The following FAM193A variants were observed in gnomAD, a reference collection of about 807,000 sequenced individuals.
FAM193A encodes the protein protein FAM193A.
A neutral mutation model predicts 126.5 loss-of-function variants in FAM193A; 22 were observed. That is an observed-to-expected ratio of 0.17 (90% CI 0.12 to 0.25). The LOEUF is 0.25. FAM193A is among the 10% of genes least tolerant of loss of function. FAM193A has a pLI of 1.00. For missense variants in FAM193A, 1,675 were observed against 1,672.8 expected, an observed-to-expected ratio of 1.00 and a Z score of -0.02; for synonymous variants, 761 against 646.8, an observed-to-expected ratio of 1.18 and a Z score of -2.68.
At position 2,659,637 on chromosome 4, in the gene FAM193A, T is replaced by C; in HGVS notation, c.1469T>C (p.Met490Thr). 6.2e-7 allele frequency: 1 copy of C among 1,614,178 alleles called. No homozygotes were observed. Among genetic ancestry groups the C allele is most frequent in the South Asian group, 1.1e-5 (1 of 91,078 alleles). ...MRHMLSSRLS[M>T]PDCPNCNYRR... Reference sequence around the variant, plus strand: ...CACATGTTATCGTCCCGGCTGAGCATGCCCGACTGCCCCAACTGCAACTAC... The same window carrying C: ...CACATGTTATCGTCCCGGCTGAGCACGCCCGACTGCCCCAACTGCAACTAC... The change falls in exon 9 of 21, where the codon ATG becomes ACG. Residue 490 changes from methionine to threonine, a missense_variant. This residue lies in a region of FAM193A where 1,186 missense variants were observed against 1,109.2 expected (regional missense o/e 1.07). Coordinates refer to ENST00000637812, the MANE Select transcript of FAM193A (RefSeq NM_001366318.2).
intron 7 of FAM193A, among the ~76,000 whole-genome samples, chr4:2,649,977 G>A (rs1048702105): frequency 5.3e-5 from 8 of 152,158 alleles, no homozygotes; most frequent in South Asian, 2.1e-4. Flanking sequence ...TGTGAACTGC[G>A]TGTGCAAGGG....
At chr4:2,546,070 C>T (rs1425988288) in intron 1 of FAM193A, among the ~76,000 whole-genome samples, 1 of 151,960 alleles carries the variant, frequency 6.6e-6, no homozygotes, top group African/African-American at 2.4e-5. Context: ...ATTGCTTGAA[C>T]CCAGGAAGCA....
intron 5 of FAM193A, among the ~76,000 whole-genome samples, chr4:2,637,108 C>A (rs1744156991): frequency 6.6e-6 from 1 of 152,194 alleles, no homozygotes; most frequent in Non-Finnish European, 1.5e-5. Context: ...GGGTGGATTA[C>A]TTGAGCCCAG....
intron 13 of FAM193A, among the ~76,000 whole-genome samples, chr4:2,677,631 C>T (rs1210464066): frequency 6.6e-6 from 1 of 151,316 alleles, no homozygotes; most frequent in Non-Finnish European, 1.5e-5. Context: ...GTCCCAGTTA[C>T]TCGGGAGGCT....
intron 1 of FAM193A, among the ~76,000 whole-genome samples, chr4:2,559,203 C>G (rs138312122): frequency 2.5e-3 from 380 of 152,274 alleles, no homozygotes; most frequent in African/African-American, 8.0e-3. Context: ...CTAAGATGGT[C>G]AAATCATAGA....
At chr4:2,690,652 G>A in intron 14 of FAM193A, 46 bp from the exon 15 acceptor site, 2 of 1,559,402 alleles carry the variant, frequency 1.3e-6, no homozygotes, top group South Asian at 2.4e-5. Flanking sequence ...GTTTAGCTAA[G>A]TATGATTGCT....
At chr4:2,620,836 C>CAAAAAAAAAAAGAAAAAAAA (rs1207985820) in intron 2 of FAM193A, among the ~76,000 whole-genome samples, 18 of 69,094 alleles carry the variant, frequency 2.6e-4, no homozygotes, top group African/African-American at 1.1e-3. Context: ...AACTCCGTCT[C>CAAAAAAAAAAAGAAAAAAAA]AAAAAAAAAA....
intron 19 of FAM193A, among the ~76,000 whole-genome samples, chr4:2,708,590 G>C (rs1300365702): frequency 1.3e-5 from 2 of 151,936 alleles, no homozygotes; most frequent in Non-Finnish European, 2.9e-5. Flanking sequence ...GGCCTCCCAA[G>C]TAGCTGGGAT....
intron 19 of FAM193A, among the ~76,000 whole-genome samples, chr4:2,715,668 G>A (rs1031031587): frequency 2.6e-5 from 4 of 152,280 alleles, no homozygotes; most frequent in Admixed American, 6.5e-5. Flanking sequence ...GCAGTCCCTG[G>A]GCTTGCGTGC....
At chr4:2,554,677 A>C (rs1738152537) in intron 1 of FAM193A, among the ~76,000 whole-genome samples, 1 of 152,116 alleles carries the variant, frequency 6.6e-6, no homozygotes, top group South Asian at 2.1e-4. Flanking sequence ...GGAATGTTGA[A>C]GTCTCTGCCT....
At chr4:2,608,289 C>T in intron 2 of FAM193A, 1 of 616,982 alleles carries the variant, frequency 1.6e-6, no homozygotes, top group Non-Finnish European at 2.8e-6. Flanking sequence ...AGCAACCCTT[C>T]TGCCTCAGTC....
chr4:2,550,806 T>TA (rs1737876036), intron 1 of FAM193A, among the ~76,000 whole-genome samples: 1 of 119,780 alleles, frequency 8.3e-6, no homozygotes, highest in Non-Finnish European at 1.8e-5. Context: ...TTTATTTATT[T>TA]ATTTATTTAT....
intron 1 of FAM193A, among the ~76,000 whole-genome samples, chr4:2,559,817 G>A (rs1456329148): frequency 1.3e-5 from 2 of 152,176 alleles, no homozygotes; most frequent in Non-Finnish European, 2.9e-5. Context: ...GCTTCCTTTT[G>A]CCTTGCTGTT....
At chr4:2,657,340 C>G (rs890082952) in intron 7 of FAM193A, among the ~76,000 whole-genome samples, 6 of 151,980 alleles carry the variant, frequency 3.9e-5, no homozygotes, top group Non-Finnish European at 7.4e-5. Flanking sequence ...CTCTTTTTGC[C>G]TTTAACTCCT....
intron 1 of FAM193A, among the ~76,000 whole-genome samples, chr4:2,556,586 G>C (rs888661044): frequency 6.6e-5 from 10 of 152,198 alleles, no homozygotes; most frequent in Admixed American, 2.0e-4. Context: ...GGAGGCTGAT[G>C]TGGGGGGATC....
intron 19 of FAM193A, among the ~76,000 whole-genome samples, chr4:2,704,878 C>T (rs7677613): frequency 2.0e-5 from 3 of 152,090 alleles, no homozygotes; most frequent in African/African-American, 4.8e-5. Flanking sequence ...TCATTTCTTA[C>T]TAGGTTTTTG....
At chr4:2,655,424 CGT>C (rs370632720) in intron 7 of FAM193A, among the ~76,000 whole-genome samples, 2,589 of 149,178 alleles carry the variant, frequency 0.017, 55 homozygotes, top group African/African-American at 0.052. Flanking sequence ...TGATTTAGGA[CGT>C]GTGTGTGTGT....
In FAM193A at chr4:2,686,420, C is replaced by T. The variant is rs1715746462; in HGVS notation, c.2332-3086C>T. On this transcript the variant is annotated intron_variant, in intron 13 of 20. Transcript: ENST00000637812. ...AGACAAAAATCGGTTAGTCTTGGCC[C>T]CTCTTTTCAAAGAGTTCACAGTCTA... is the stretch of plus-strand genomic sequence containing the variant. Among the ~76,000 whole-genome samples the T allele has an allele frequency of 3.9e-5, 6 of 152,114 alleles. No homozygotes were observed. The South Asian group carries it at 1.2e-3, about 32-fold the overall frequency.
At chr4:2,546,784 CA>C (rs1425896800) in intron 1 of FAM193A, among the ~76,000 whole-genome samples, 1 of 151,974 alleles carries the variant, frequency 6.6e-6, no homozygotes, top group Non-Finnish European at 1.5e-5. Context: ...AGGTAAATAC[CA>C]AGGAGTAGGA....
Sources: allele counts gnomAD v4.1 joint callset (sites outside exome capture counted in the v4.1 genomes callset), GRCh38; gene constraint gnomAD v4.1.1; regional missense constraint gnomAD v4.1.1; transcripts MANE v1.5; gene names NCBI Gene and HGNC (gene_info 2026-07-23, HGNC 2026-07-21).